Variants in CYP2D6 observed in about 807,000 individuals in gnomAD.
CYP2D6 encodes cytochrome P450 2D6.
CYP2D6 carries 51 observed loss-of-function variants against 43.5 expected under a neutral mutation model. The ratio of observed to expected loss-of-function variants is 1.17; its 90% confidence interval spans 0.94 to 1.48. The LOEUF (loss-of-function observed/expected upper bound fraction) is 1.48, where lower values mean the gene tolerates loss of function less well. CYP2D6 is among the 40% of genes most tolerant of loss of function. The pLI is 0.00. For missense variants in CYP2D6, 698 were observed against 688.0 expected (o/e 1.01, Z -0.16); for synonymous variants, 346 against 297.1 (o/e 1.16, Z -1.69).
At chr22:42,127,121 G>A in intron 7 of CYP2D6, 129 bp from the exon 8 acceptor site, 2 of 1,241,422 alleles carry the variant, frequency 1.6e-6, no homozygotes, top group South Asian at 2.7e-5. Context: ...CTGCGCCCGA[G>A]AAGCTCCACA....
Position 42,127,496 on chromosome 22 carries a change from G to A in CYP2D6, c.1124C>T (p.Thr375Ile). The change falls in exon 7 of 9, where the codon ACC (threonine) becomes ATC (isoleucine). Residue 375 changes from threonine to isoleucine, a missense_variant. Transcript: ENST00000645361. ...TTCGATGTCACGGGATGTCATATGGGTCACACCCAGGGGGACGATGTCCCC... is the reference window on the plus strand; with the variant it reads ...TTCGATGTCACGGGATGTCATATGGATCACACCCAGGGGGACGATGTCCCC... The part of the protein sequence containing the change: ...RFGDIVPLGV[T>I]HMTSRDIEVQ... 1 of 1,611,660 alleles carries A rather than the reference G, an allele frequency of 6.2e-7. No homozygotes were observed. Among genetic ancestry groups the A allele is most frequent in the Non-Finnish European group, 8.5e-7 (1 of 1,178,310 alleles).
intron 7 of CYP2D6, 81 bp downstream of exon 7, chr22:42,127,366 T>C: frequency 7.7e-7 from 1 of 1,306,028 alleles, no homozygotes; most frequent in Admixed American, 1.9e-5. Flanking sequence ...GTTCCTAGAG[T>C]GGGCCCACCT....
At chr22:42,130,151 C>CAGTT (rs1236747976) in intron 1 of CYP2D6, 26 of 528,644 alleles carry the variant, frequency 4.9e-5, no homozygotes, top group Middle Eastern at 9.1e-4. Context: ...CGAGAGGCCC[C>CAGTT]AGTTAGCATC....
chr22:42,127,344 T>G (rs1602567935), intron 7 of CYP2D6, 103 bp downstream of exon 7: 1 of 1,255,438 alleles, frequency 8.0e-7, no homozygotes, highest in African/African-American at 1.5e-5. Context: ...CATTGAGGAC[T>G]AGGTGGCCAG....
At position 42,126,648 on chromosome 22, in the gene CYP2D6, G is replaced by A. The variant is rs185772085; in HGVS notation, c.1420C>T (p.Arg474Trp). ...GCAAAGACACCATGGTGGCTGGGCC[G>A]GGGCTGTCCAGTGGGCACCGAGAAG... ...FSFSVPTGQP[R>W]PSHHGVFAFL... is the part of the protein sequence containing the mutation. Residue 474 changes from arginine (R) to tryptophan (W), a missense_variant, in exon 9 of 9, where the codon CGG (arginine) becomes TGG (tryptophan). By Grantham distance (101) the Arg-to-Trp change is moderately radical. This residue lies in a region of CYP2D6 where 85 missense variants were observed against 81.2 expected (regional missense o/e 1.05). Coordinates refer to ENST00000645361, the MANE Select transcript of CYP2D6 (RefSeq NM_000106.6). 9.1e-5 allele frequency: 147 copies of A among 1,609,408 alleles called. 4 individuals carry two copies. Among genetic ancestry groups the A allele is most frequent in the South Asian group, 1.1e-4 (10 of 90,546 alleles).
chr22:42,129,940 A>G (rs1359851767), intron 1 of CYP2D6, 31 bp from the exon 2 acceptor site: 4 of 1,519,842 alleles, frequency 2.6e-6, no homozygotes, highest in Admixed American at 4.0e-5. Context: ...CCTCTTGTCA[A>G]GCCAGGATCA....
In CYP2D6 at chr22:42,129,172, C is replaced by T. The variant is rs756389811; in HGVS notation, c.366G>A (p.Ala122=). The change falls in exon 3 of 9, where the codon GCG becomes GCA. Residue 122 remains alanine (A), a synonymous_variant. Transcript: ENST00000645361. The part of the protein sequence containing the change: ...FGPRSQGVFL[A]RYGPAWREQR... ...GCTCGCGCCACGCGGGCCCATAGCGCGCCAGGAACACCCCTGGGGGTGGGA... is the reference window on the plus strand; with the variant it reads ...GCTCGCGCCACGCGGGCCCATAGCGTGCCAGGAACACCCCTGGGGGTGGGA... 6 of 1,605,682 alleles carry T rather than the reference C, an allele frequency of 3.7e-6. No individual in the cohort carries two copies. Among genetic ancestry groups the T allele is most frequent in the African/African-American group, 2.7e-5 (2 of 74,582 alleles).
At position 42,127,287 on chromosome 22, in the gene CYP2D6, C is replaced by T. The variant is rs376152779; in HGVS notation, c.1173+160G>A. On this transcript the variant is annotated intron_variant, in intron 7 of 8. Coordinates refer to ENST00000645361, the MANE Select transcript of CYP2D6 (RefSeq NM_000106.6). ...GCTCTGGATGGACAGGCCAGCCCTG[C>T]CTATACTCTGGACCCCCCACCCAAG... 2.7e-5 allele frequency among the ~76,000 whole-genome samples: 4 copies of T among 150,580 alleles called. No individual in the cohort carries two copies. In the East Asian group the frequency reaches 5.8e-4, roughly 22 times the overall value.
intron 1 of CYP2D6, 166 bp from the exon 2 acceptor site, chr22:42,130,075 T>A: frequency 1.4e-6 from 1 of 697,090 alleles, no homozygotes; most frequent in South Asian, 1.8e-5. Context: ...TCACACCTTC[T>A]GTGATGGAGG....
intron 2 of CYP2D6, 130 bp from the exon 3 acceptor site, chr22:42,129,315 C>A (rs1232389723): frequency 9.3e-5 from 114 of 1,221,298 alleles, no homozygotes; most frequent in Non-Finnish European, 1.3e-4. Flanking sequence ...ACAGGGCCCA[C>A]TCTTTGTGCA....
Position 42,129,166 on chromosome 22 carries a change from A to C in CYP2D6, c.372T>G (p.Tyr124Ter), listed in dbSNP as rs766391487. Reference sequence around the variant, plus strand: ...GCCTCTGCTCGCGCCACGCGGGCCCATAGCGCGCCAGGAACACCCCTGGGG... The same window carrying C: ...GCCTCTGCTCGCGCCACGCGGGCCCCTAGCGCGCCAGGAACACCCCTGGGG... The part of the protein sequence containing the change: ...PRSQGVFLAR[Y>*]GPAWREQRRF... The change falls in exon 3 of 9, where the codon TAT (tyrosine) becomes TAG (stop). Residue 124 changes from tyrosine to a stop codon, truncating the protein, a stop_gained. Transcript: ENST00000645361. LOFTEE classifies it high-confidence loss of function. 1.1e-5 allele frequency: 17 copies of C among 1,606,200 alleles called. No individual in the cohort carries two copies. The highest frequency in any genetic ancestry group is 8.9e-5 in the East Asian group (4 of 44,752).
intron 2 of CYP2D6, 109 bp from the exon 3 acceptor site, chr22:42,129,294 TCC>T (rs1377614860): frequency 1.4e-6 from 2 of 1,392,524 alleles, no homozygotes; most frequent in Admixed American, 3.8e-5. Flanking sequence ...CCTGGCTCTG[TCC>T]AGCTGGTCAC....
At chr22:42,129,323 G>C in intron 2 of CYP2D6, 138 bp from the exon 3 acceptor site, 1 of 1,164,464 alleles carries the variant, frequency 8.6e-7, no homozygotes, top group South Asian at 1.3e-5. Flanking sequence ...CACTCTTTGT[G>C]CATCCACCTT....
At position 42,129,828 on chromosome 22, in the gene CYP2D6, G is replaced by C. The variant is rs780087488; in HGVS notation, c.262C>G (p.Arg88Gly). The C allele has an allele frequency of 3.1e-6, 5 of 1,599,410 alleles. 1 individual carries two copies. The African/African-American group carries it at 6.8e-5, about 22-fold the overall frequency. ...VVVLNGLAAV[R>G]EALVTHGEDT... ...TCGCCGTGGGTCACCAGCGCCTCGC[G>C]CACGGCCGCCAGCCCATTGAGCACG... Residue 88 changes from arginine (R) to glycine (G), a missense_variant, in exon 2 of 9, where the codon CGC (arginine) becomes GGC (glycine). This residue lies in a region of CYP2D6 where 588 missense variants were observed against 521.1 expected (regional missense o/e 1.13). Coordinates refer to ENST00000645361, the MANE Select transcript of CYP2D6 (RefSeq NM_000106.6).
intron 2 of CYP2D6, 47 bp from the exon 3 acceptor site, chr22:42,129,232 C>A: frequency 6.3e-7 from 1 of 1,581,838 alleles, no homozygotes; most frequent in South Asian, 1.1e-5. Context: ...GGCATTAGCC[C>A]CACCATCCAC....
intron 1 of CYP2D6, 62 bp downstream of exon 1, chr22:42,130,550 A>G (rs1470972088): frequency 1.6e-6 from 2 of 1,281,988 alleles, no homozygotes; most frequent in African/African-American, 1.7e-5. Flanking sequence ...CCCACCATCC[A>G]TGTTTGCTTC....
At chr22:42,129,529 TCTCGG>T in intron 2 of CYP2D6, 1 of 763,428 alleles carries the variant, frequency 1.3e-6, no homozygotes, top group South Asian at 1.6e-5. Flanking sequence ...TCCTGCCAGG[TCTCGG>T]CAGTGGCCCC....
Position 42,129,191 on chromosome 22 carries a change from G to C in CYP2D6, c.353-6C>G, listed in dbSNP as rs562633069. On this transcript the variant is annotated splice_region_variant and splice_polypyrimidine_tract_variant and intron_variant, in intron 2 of 8. Coordinates refer to ENST00000645361, the MANE Select transcript of CYP2D6 (RefSeq NM_000106.6). ...ATAGCGCGCCAGGAACACCCCTGGG[G>C]GTGGGACGGGCACGTGCGCGTGGCC... 4.0e-5 allele frequency: 64 copies of C among 1,602,500 alleles called. 4 individuals are homozygous for C. In the South Asian group the frequency reaches 7.0e-4, roughly 18 times the overall value.
chr22:42,128,015 A>G (rs766671794), intron 5 of CYP2D6, 32 bp from the exon 6 acceptor site: 18 of 1,611,168 alleles, frequency 1.1e-5, no homozygotes, highest in Admixed American at 1.0e-4. Flanking sequence ...CTCGGGACAG[A>G]ACGGGGTAGC....
Sources: allele counts gnomAD v4.1 joint callset (sites outside exome capture counted in the v4.1 genomes callset), GRCh38; gene constraint gnomAD v4.1.1; regional missense constraint gnomAD v4.1.1; transcripts MANE v1.5; gene names NCBI Gene and HGNC (gene_info 2026-07-23, HGNC 2026-07-21).